TYW1: variants seen among roughly 807,000 people sequenced by gnomAD.
TYW1 encodes S-adenosyl-L-methionine-dependent tRNA 4-demethylwyosine synthase TYW1.
In TYW1, 46 loss-of-function variants were observed where a neutral mutation model predicts 96.2. That is an observed-to-expected ratio of 0.48 (90% CI 0.38 to 0.61). The LOEUF is 0.61. TYW1 is among the 20% of genes least tolerant of loss of function. TYW1 has a pLI of 0.00. For synonymous variants in TYW1, 274 were observed against 323.0 expected (o/e 0.85, Z 1.63); for missense variants, 684 against 909.6 (o/e 0.75, Z 3.19).
chr7:67,126,209 G>A (rs57226144), intron 13 of TYW1, among the ~76,000 whole-genome samples: 3,391 of 113,054 alleles, frequency 0.03, 26 homozygotes, highest in African/African-American at 0.051. Context: ...TGTCACTGTT[G>A]CTTTATTTTG....
At position 67,239,420 on chromosome 7, in the gene TYW1, A is replaced by C. The variant is rs1045174; in HGVS notation, c.*891A>C. 0.25 allele frequency: 243,352 copies of C among 980,388 alleles called. 31,014 individuals are homozygous for C. The highest frequency in any genetic ancestry group is 0.36 in the African/African-American group (20,715 of 57,176). The allele number at this position is 980,388 out of a possible 1,614,324, so 60.7% of individuals were successfully genotyped here. ...AGGTTCAGGTGTTTTCAAGTTGGAA[A>C]GATCATAAATACTCAAAATTGTTTT... On this transcript the variant is annotated 3_prime_UTR_variant, in exon 16 of 16. Coordinates refer to ENST00000359626, the MANE Select transcript of TYW1 (RefSeq NM_018264.4).
intron 13 of TYW1, among the ~76,000 whole-genome samples, chr7:67,118,606 G>A (rs952599057): frequency 1.3e-5 from 2 of 151,730 alleles, no homozygotes; most frequent in Non-Finnish European, 2.9e-5. Flanking sequence ...TAAAAGAGGC[G>A]TCTGCAGGCC....
chr7:67,044,820 A>C (rs911002686), intron 7 of TYW1, among the ~76,000 whole-genome samples: 6 of 152,016 alleles, frequency 3.9e-5, no homozygotes, highest in African/African-American at 9.7e-5. Flanking sequence ...GGGTTTCACC[A>C]TGTTGGCCAG....
chr7:67,220,475 T>C (rs1468368273), intron 15 of TYW1, among the ~76,000 whole-genome samples: 1 of 151,394 alleles, frequency 6.6e-6, no homozygotes, highest in East Asian at 1.9e-4. Flanking sequence ...AGTGCTGGGA[T>C]TACAGGCCTA....
intron 15 of TYW1, among the ~76,000 whole-genome samples, chr7:67,200,722 G>A (rs1033653766): frequency 6.6e-6 from 1 of 152,206 alleles, no homozygotes; most frequent in South Asian, 2.1e-4. Context: ...TGTAATCAGA[G>A]CTATGGTGGA....
At chr7:67,080,899 C>T (rs1374281925) in intron 10 of TYW1, among the ~76,000 whole-genome samples, 5 of 125,914 alleles carry the variant, frequency 4.0e-5, no homozygotes, top group Non-Finnish European at 8.0e-5. Flanking sequence ...TAGATGATGA[C>T]TTACTCATGT....
intron 13 of TYW1, among the ~76,000 whole-genome samples, chr7:67,154,567 A>AT (rs1798906168): frequency 6.6e-6 from 1 of 151,974 alleles, no homozygotes; most frequent in Non-Finnish European, 1.5e-5. Flanking sequence ...TCTTAGTCTA[A>AT]TGGAGATTCC....
intron 15 of TYW1, among the ~76,000 whole-genome samples, chr7:67,211,493 A>G (rs546402450): frequency 1.3e-5 from 2 of 152,292 alleles, no homozygotes; most frequent in Admixed American, 1.3e-4. Context: ...GTTAGAAATC[A>G]AGCTCTGGGG....
intron 12 of TYW1, among the ~76,000 whole-genome samples, chr7:67,107,226 A>T (rs1300660135): frequency 6.6e-6 from 1 of 152,234 alleles, no homozygotes; most frequent in African/African-American, 2.4e-5. Flanking sequence ...TGATTCTTTT[A>T]ATAGAAGTTT....
intron 13 of TYW1, among the ~76,000 whole-genome samples, chr7:67,180,496 T>G (rs1268450560): frequency 6.7e-6 from 1 of 149,524 alleles, no homozygotes; most frequent in Non-Finnish European, 1.5e-5. Context: ...GCCAGTCATA[T>G]TATTTACAAT....
rs188793520 is a variant in TYW1 at position 67,088,124 on chromosome 7, C to T, written c.1384+4585C>T. ...AAATGATCCTTCTGCCTGGGCCTCC[C>T]AAAGTGCTGGGATTACAGGCATGAG... On this transcript the variant is annotated intron_variant, in intron 11 of 15. Coordinates refer to ENST00000359626, the MANE Select transcript of TYW1 (RefSeq NM_018264.4). Among the ~76,000 whole-genome samples the T allele has an allele frequency of 2.0e-5, 3 of 152,252 alleles. No homozygotes were observed. The East Asian group carries it at 5.8e-4, about 29-fold the overall frequency.
chr7:67,167,261 A>C (rs1176244393), intron 13 of TYW1, among the ~76,000 whole-genome samples: 1 of 152,068 alleles, frequency 6.6e-6, no homozygotes, highest in Non-Finnish European at 1.5e-5. Flanking sequence ...TGAGGTCAGG[A>C]GATCAAGACC....
chr7:67,209,314 C>T (rs561902737), intron 15 of TYW1, among the ~76,000 whole-genome samples: 90 of 152,270 alleles, frequency 5.9e-4, no homozygotes, highest in African/African-American at 2.0e-3. Flanking sequence ...GAAGGTGGTA[C>T]AGTCAGCTGT....
intron 8 of TYW1, among the ~76,000 whole-genome samples, chr7:67,053,009 G>C (rs911714551): frequency 6.6e-6 from 1 of 151,538 alleles, no homozygotes; most frequent in Admixed American, 6.6e-5. Context: ...CCAAACTGTT[G>C]GGATTACAGG....
chr7:67,204,628 T>C (rs1387178922), intron 15 of TYW1, among the ~76,000 whole-genome samples: 2 of 150,466 alleles, frequency 1.3e-5, no homozygotes, highest in Non-Finnish European at 3.0e-5. Context: ...AGAATCTCAC[T>C]CTGTCATCCA....
chr7:67,132,155 G>C (rs1798096498), intron 13 of TYW1, among the ~76,000 whole-genome samples: 2 of 137,196 alleles, frequency 1.5e-5, no homozygotes, highest in Admixed American at 1.4e-4. Flanking sequence ...TGTTGCCCAG[G>C]GTGGAGTGCC....
chr7:67,152,948 C>G (rs1798850571), intron 13 of TYW1, among the ~76,000 whole-genome samples: 1 of 152,188 alleles, frequency 6.6e-6, no homozygotes, highest in African/African-American at 2.4e-5. Context: ...AGGAACACAA[C>G]TGAGCTTATT....
chr7:67,017,999 G>C lies in TYW1; in HGVS notation c.717G>C (p.Gln239His). The stretch of plus-strand genomic sequence containing the variant: ...CATGGAAGACCAAGTTCATCTCCCA[G>C]CTGCAGGCACTTCAGAAAGGGGAGA... ...FRAWKTKFISQLQALQKGERK... is the reference protein window; with the variant it reads ...FRAWKTKFISHLQALQKGERK... Residue 239 changes from glutamine (Q) to histidine (H), a missense_variant, in exon 6 of 16, where the codon CAG becomes CAC. Physicochemically the swap from Gln to His is conservative, Grantham distance 24. Transcript: ENST00000359626. 6.2e-7 allele frequency: 1 copy of C among 1,614,124 alleles called. No individual in the cohort carries two copies. The highest frequency in any genetic ancestry group is 8.5e-7 in the Non-Finnish European group (1 of 1,180,020).
intron 15 of TYW1, among the ~76,000 whole-genome samples, chr7:67,222,866 C>CTTTTTTTTTTTTTTTTT (rs570972265): frequency 9.1e-6 from 1 of 109,630 alleles, no homozygotes. Context: ...CGCTTTTTTT[C>CTTTTTTTTTTTTTTTTT]TTTTTTTTTT....
Sources: gnomAD v4.1 joint callset for allele counts (sites outside exome capture counted in the v4.1 genomes callset) on GRCh38, gnomAD v4.1.1 for gene constraint, MANE v1.5 for transcripts, NCBI Gene and HGNC (gene_info 2026-07-23, HGNC 2026-07-21) for gene names.